The following ADAMTSL2 variants were observed in gnomAD, a reference collection of about 807,000 sequenced individuals.
The protein encoded by ADAMTSL2 is ADAMTS like 2.
ADAMTSL2 carries 55 observed loss-of-function variants against 117.0 expected under a neutral mutation model. The ratio of observed to expected loss-of-function variants is 0.47; its 90% CI spans 0.38 to 0.59. The LOEUF is 0.59. Among genes scored for constraint, ADAMTSL2 ranks in the 20% least tolerant of loss-of-function variants. The pLI, the probability that ADAMTSL2 is intolerant of heterozygous loss-of-function variation, is 0.00. For synonymous variants in ADAMTSL2, 572 were observed against 566.4 expected, an observed-to-expected ratio of 1.01 and a Z score of -0.14; for missense variants, 1,182 against 1,354.5, an observed-to-expected ratio of 0.87 and a Z score of 2.00.
At position 133,540,030 on chromosome 9, in the gene ADAMTSL2, G is replaced by A. The variant is rs1047584620; in HGVS notation, c.412+157G>A. ...ATGAACCTGGGTCTCCTGAGCCCTGGCCCAGGGGTCTGTCCCCTCCCCCAT... is the reference window on the plus strand; with the variant it reads ...ATGAACCTGGGTCTCCTGAGCCCTGACCCAGGGGTCTGTCCCCTCCCCCAT... On this transcript the variant is annotated intron_variant, in intron 5 of 18. Coordinates refer to ENST00000651351, the MANE Select transcript of ADAMTSL2 (RefSeq NM_014694.4). Among the ~76,000 whole-genome samples the A allele has an allele frequency of 3.3e-5, 5 of 152,098 alleles. 1 individual carries two copies. In the South Asian group the frequency reaches 8.3e-4, roughly 25 times the overall value.
chr9:133,537,614 G>T, intron 3 of ADAMTSL2, 67 bp downstream of exon 3: 1 of 1,301,760 alleles, frequency 7.7e-7, no homozygotes. Context: ...GGAGAGGGCG[G>T]TTGGCTCTTC....
intron 4 of ADAMTSL2, 97 bp from the exon 5 acceptor site, chr9:133,539,674 G>GCTGTCCCGGCTGTCCCGGCTGTC: frequency 7.9e-7 from 1 of 1,270,244 alleles, no homozygotes; most frequent in African/African-American, 1.5e-5. Context: ...GGCTGTCCCG[G>GCTGTCCCGGCTGTCCCGGCTGTC]CTGTCCCGGC....
Position 133,539,799 on chromosome 9 carries a change from G to T in ADAMTSL2, c.338G>T (p.Arg113Leu), listed in dbSNP as rs113994122. The change falls in exon 5 of 19, where the codon CGC becomes CTC. Residue 113 changes from arginine (R) to leucine (L), a missense_variant. By Grantham distance (102) the Arg-to-Leu change is moderately radical. Coordinates refer to ENST00000651351, the MANE Select transcript of ADAMTSL2 (RefSeq NM_014694.4). ...TGTCCGCCGGACGGGAGGAGCTTCCGCGAGGAGCAGTGCGTCTCCTTCAAC... is the reference window on the plus strand; with the variant it reads ...TGTCCGCCGGACGGGAGGAGCTTCCTCGAGGAGCAGTGCGTCTCCTTCAAC... ...QECPPDGRSF[R>L]EEQCVSFNSH... 3.2e-6 allele frequency: 5 copies of T among 1,543,088 alleles called. No individual in the cohort carries two copies. Among genetic ancestry groups the T allele is most frequent in the Admixed American group, 4.0e-5 (2 of 50,064 alleles).
rs1831188908 is a variant in ADAMTSL2 at position 133,574,771 on chromosome 9, C to T, written c.2763C>T (p.Gly921=). ...ATGACAGCTGCCAGGACCAGCCAGG[C>T]ACCAACTGTGCCCTGGCCATCAAAG... ...PPDDSCQDQP[G]TNCALAIKVN... is the part of the protein sequence containing the mutation. Residue 921 remains glycine, a synonymous_variant, in exon 19 of 19, where the codon GGC becomes GGT. Coordinates refer to ENST00000651351, the MANE Select transcript of ADAMTSL2 (RefSeq NM_014694.4). 1 of 1,613,532 alleles carries T rather than the reference C, an allele frequency of 6.2e-7. No homozygotes were observed. The highest frequency in any genetic ancestry group is 1.3e-5 in the African/African-American group (1 of 74,942).
chr9:133,534,873 G>GC lies in ADAMTSL2; in HGVS notation c.-194dup, dbSNP rs1255030434. The GC allele has an allele frequency of 6.8e-7, 1 of 1,475,052 alleles. No homozygotes were observed. Among genetic ancestry groups the GC allele is most frequent in the Admixed American group, 2.4e-5 (1 of 41,842 alleles). The allele number at this position is 1,475,052 out of a possible 1,614,324, so 91.4% of individuals were successfully genotyped here. A position where few individuals can be genotyped will look rare whatever the true frequency, so the allele number is the denominator to read the frequency against. ...CCTGGCGCCGTCTGCCCTCCGCAGC[G>GC]CTCGCCCCTTTCTCTGGGAGGACAA... On this transcript the variant is annotated 5_prime_UTR_variant, in exon 1 of 19. It introduces an in-frame stop codon into an upstream open reading frame of the 5' UTR. Transcript: ENST00000651351.
intron 17 of ADAMTSL2, among the ~76,000 whole-genome samples, chr9:133,572,086 C>T (rs1831118435): frequency 6.6e-6 from 1 of 152,154 alleles, no homozygotes; most frequent in African/African-American, 2.4e-5. Flanking sequence ...CGGCCCTGCT[C>T]AGAGATTGGG....
intron 7 of ADAMTSL2, among the ~76,000 whole-genome samples, chr9:133,544,164 C>T (rs1196137986): frequency 7.9e-5 from 12 of 152,320 alleles, no homozygotes; most frequent in East Asian, 1.9e-4. Flanking sequence ...ATGGCAGAGC[C>T]GGACTGAACT....
Position 133,574,968 on chromosome 9 carries a change from C to A in ADAMTSL2, c.*104C>A. Reference sequence around the variant, plus strand: ...ACCCCCCTCCTGCGGGGCACGCTGGCCTAAGAGACGTGGCACTGAGCCTCG... The same window carrying A: ...ACCCCCCTCCTGCGGGGCACGCTGGACTAAGAGACGTGGCACTGAGCCTCG... On this transcript the variant is annotated 3_prime_UTR_variant, in exon 19 of 19. Coordinates refer to ENST00000651351, the MANE Select transcript of ADAMTSL2 (RefSeq NM_014694.4). The A allele has an allele frequency of 1.1e-6, 1 of 872,176 alleles. No homozygotes were observed. Among genetic ancestry groups the A allele is most frequent in the Non-Finnish European group, 1.9e-6 (1 of 526,486 alleles). The allele number at this position is 872,176 out of a possible 1,614,324, so 54.0% of individuals were successfully genotyped here.
chr9:133,560,537 G>A (rs1830702321), intron 11 of ADAMTSL2, among the ~76,000 whole-genome samples: 1 of 152,248 alleles, frequency 6.6e-6, no homozygotes, highest in African/African-American at 2.4e-5. Context: ...AACAATAGTT[G>A]GCTTTGGCTG....
chr9:133,548,920 C>A (rs1187457340), intron 9 of ADAMTSL2, among the ~76,000 whole-genome samples: 1 of 152,188 alleles, frequency 6.6e-6, no homozygotes, highest in Non-Finnish European at 1.5e-5. Flanking sequence ...CTCAGGGAGC[C>A]TTACAGGAGG....
Position 133,547,292 on chromosome 9 carries a change from C to T in ADAMTSL2, c.939+79C>T, listed in dbSNP as rs1830375051. 2.7e-6 allele frequency: 4 copies of T among 1,465,590 alleles called. No individual in the cohort carries two copies. In the Admixed American group the frequency reaches 7.5e-5, roughly 28 times the overall value. 90.8% of individuals were successfully genotyped at this position (1,465,590 alleles called of 1,614,324 possible). A position where few individuals can be genotyped will look rare whatever the true frequency, so the allele number is the denominator to read the frequency against. On this transcript the variant is annotated intron_variant, in intron 9 of 18. Coordinates refer to ENST00000651351, the MANE Select transcript of ADAMTSL2 (RefSeq NM_014694.4). Reference sequence around the variant, plus strand: ...AGAATCCAGCCACAGGTGAGGTCTTCCAGCCCGTGACGCCCCCAGGGCCAC... The same window carrying T: ...AGAATCCAGCCACAGGTGAGGTCTTTCAGCCCGTGACGCCCCCAGGGCCAC...
intron 11 of ADAMTSL2, among the ~76,000 whole-genome samples, chr9:133,556,203 G>C (rs941377246): frequency 6.6e-6 from 1 of 152,244 alleles, no homozygotes; most frequent in African/African-American, 2.4e-5. Flanking sequence ...TGCAGCTGAT[G>C]GGGGGAAGGG....
At chr9:133,542,445 T>A (rs1830247644) in intron 7 of ADAMTSL2, among the ~76,000 whole-genome samples, 1 of 152,144 alleles carries the variant, frequency 6.6e-6, no homozygotes, top group African/African-American at 2.4e-5. Context: ...GCAGCACGTG[T>A]CTTGTAGGGC....
chr9:133,574,763 C>A lies in ADAMTSL2; in HGVS notation c.2755C>A (p.Gln919Lys). The A allele has an allele frequency of 2.5e-6, 4 of 1,613,334 alleles. No individual in the cohort carries two copies. The highest frequency in any genetic ancestry group is 2.2e-5 in the South Asian group (2 of 91,076). The change falls in exon 19 of 19, where the codon CAG (glutamine) becomes AAG (lysine). Residue 919 changes from glutamine (Q) to lysine (K), a missense_variant. Gln to Lys is a moderately conservative substitution (Grantham distance 53). This residue lies in a region of ADAMTSL2 where 465 missense variants were observed against 565.3 expected (regional missense o/e 0.82). Coordinates refer to ENST00000651351, the MANE Select transcript of ADAMTSL2 (RefSeq NM_014694.4). The stretch of plus-strand genomic sequence containing the variant: ...TTCTCCAGATGACAGCTGCCAGGAC[C>A]AGCCAGGCACCAACTGTGCCCTGGC... ...TEPPDDSCQD[Q>K]PGTNCALAIK... is the part of the protein sequence containing the mutation.
At chr9:133,569,302 C>T (rs1028387417) in intron 15 of ADAMTSL2, 106 bp from the exon 16 acceptor site, 26 of 1,196,862 alleles carry the variant, frequency 2.2e-5, no homozygotes, top group African/African-American at 2.0e-4. Flanking sequence ...GCAACCGCTT[C>T]GACACTGCCT....
Position 133,555,748 on chromosome 9 carries a change from C to T in ADAMTSL2, c.1467C>T (p.Ser489=). The T allele has an allele frequency of 1.2e-6, 2 of 1,614,054 alleles. No homozygotes were observed. The highest frequency in any genetic ancestry group is 2.2e-5 in the South Asian group (2 of 91,084). The change falls in exon 11 of 19, where the codon AGC becomes AGT. Residue 489 remains serine, a synonymous_variant. Coordinates refer to ENST00000651351, the MANE Select transcript of ADAMTSL2 (RefSeq NM_014694.4). The part of the protein sequence containing the change: ...NSIFAQGAPR[S]SLAESFFVDY... ...TCTTTGCACAGGGCGCCCCAAGGAG[C>T]TCCCTGGCCGAGAGCTTCTTCGTGG...
chr9:133,555,312 G>A (rs1049614324), intron 10 of ADAMTSL2, among the ~76,000 whole-genome samples: 4 of 135,646 alleles, frequency 2.9e-5, no homozygotes, highest in Non-Finnish European at 6.4e-5. Flanking sequence ...CATGAATTTT[G>A]GGGGGATGCT....
chr9:133,573,959 T>G lies in ADAMTSL2; in HGVS notation c.2709T>G (p.Asp903Glu). The G allele has an allele frequency of 6.2e-7, 1 of 1,613,744 alleles. No individual in the cohort carries two copies. The highest frequency in any genetic ancestry group is 8.5e-7 in the Non-Finnish European group (1 of 1,179,966). Residue 903 changes from aspartate (D) to glutamate (E), a missense_variant, in exon 18 of 19, where the codon GAT becomes GAG. Coordinates refer to ENST00000651351, the MANE Select transcript of ADAMTSL2 (RefSeq NM_014694.4). The stretch of plus-strand genomic sequence containing the variant: ...AGCCCGTTGGCAGACAGGCCTGTGA[T>G]CTGCAGCCCTGCCCCACGGAGCCCC... ...LVKPVGRQAC[D>E]LQPCPTEPPD... is the part of the protein sequence containing the mutation.
At chr9:133,545,509 T>G (rs1214649183) in intron 8 of ADAMTSL2, among the ~76,000 whole-genome samples, 1 of 152,224 alleles carries the variant, frequency 6.6e-6, no homozygotes, top group Non-Finnish European at 1.5e-5. Flanking sequence ...GTATGTGCCC[T>G]GGGGTCTGAG....
Sources: allele counts gnomAD v4.1 joint callset (sites outside exome capture counted in the v4.1 genomes callset), GRCh38; gene constraint gnomAD v4.1.1; regional missense constraint gnomAD v4.1.1; transcripts MANE v1.5; gene names NCBI Gene and HGNC (gene_info 2026-07-23, HGNC 2026-07-21).